Variants in CHRM3 observed in about 807,000 individuals in gnomAD.
CHRM3 encodes cholinergic receptor muscarinic 3, also known as muscarinic acetylcholine receptor M3.
In CHRM3, 11 loss-of-function variants were observed where a neutral mutation model predicts 41.8. That is an observed-to-expected ratio of 0.26 (90% CI 0.17 to 0.44). CHRM3 has a LOEUF of 0.44. Among genes scored for constraint, CHRM3 ranks in the 20% least tolerant of loss-of-function variants. The pLI, the probability that CHRM3 is intolerant of heterozygous loss-of-function variation, is 1.00. For synonymous variants in CHRM3, 297 were observed against 301.4 expected (o/e 0.99, Z 0.15); for missense variants, 571 against 745.4 (o/e 0.77, Z 2.72).
chr1:239,755,590 A>G (rs1251611671), intron 5 of CHRM3, among the ~76,000 whole-genome samples: 1 of 152,214 alleles, frequency 6.6e-6, no homozygotes, highest in Non-Finnish European at 1.5e-5. Flanking sequence ...AAGGGTACAG[A>G]AAAAGGGTAT....
chr1:239,503,017 T>G (rs1421868903), intron 2 of CHRM3, among the ~76,000 whole-genome samples: 4 of 152,024 alleles, frequency 2.6e-5, no homozygotes, highest in African/African-American at 4.8e-5. Context: ...GGATGCCCAC[T>G]CTCACCACTC....
chr1:239,795,641 C>T (rs546636441), intron 5 of CHRM3, among the ~76,000 whole-genome samples: 3 of 152,262 alleles, frequency 2.0e-5, no homozygotes, highest in Middle Eastern at 3.4e-3. Context: ...TATTTGTTTC[C>T]ATCTTCCTAT....
At chr1:239,664,163 A>G (rs1673532105) in intron 4 of CHRM3, among the ~76,000 whole-genome samples, 1 of 152,234 alleles carries the variant, frequency 6.6e-6, no homozygotes. Flanking sequence ...TCATTCATCC[A>G]AGAATCCTCT....
At chr1:239,700,775 T>C (rs532625701) in intron 5 of CHRM3, among the ~76,000 whole-genome samples, 11 of 151,904 alleles carry the variant, frequency 7.2e-5, no homozygotes, top group Middle Eastern at 3.4e-3. Context: ...TCCTGTTTTC[T>C]TACTTAAGAA....
intron 3 of CHRM3, among the ~76,000 whole-genome samples, chr1:239,566,205 G>A (rs141933643): frequency 2.0e-5 from 3 of 152,086 alleles, no homozygotes; most frequent in Non-Finnish European, 2.9e-5. Flanking sequence ...GAGCCATCAC[G>A]CCCGGCCTCC....
chr1:239,769,061 G>A (rs1446206424), intron 5 of CHRM3, among the ~76,000 whole-genome samples: 1 of 151,758 alleles, frequency 6.6e-6, no homozygotes, highest in Non-Finnish European at 1.5e-5. Flanking sequence ...CACTGTGCCT[G>A]ACCTAAGCGA....
intron 5 of CHRM3, among the ~76,000 whole-genome samples, chr1:239,724,014 T>A (rs1663209936): frequency 1.3e-5 from 2 of 151,874 alleles, no homozygotes; most frequent in Admixed American, 1.3e-4. Flanking sequence ...AGCCAAGCTG[T>A]ACAGCCTCTG....
chr1:239,797,866 A>G (rs1669915359), intron 5 of CHRM3, among the ~76,000 whole-genome samples: 1 of 152,012 alleles, frequency 6.6e-6, no homozygotes. Context: ...TGGCCAACAT[A>G]GTGAGGCCCT....
intron 2 of CHRM3, among the ~76,000 whole-genome samples, chr1:239,517,564 A>G (rs994065085): frequency 5.3e-5 from 8 of 152,238 alleles, no homozygotes; most frequent in Non-Finnish European, 1.2e-4. Context: ...TGAAGCATAT[A>G]TAATACATGA....
intron 3 of CHRM3, among the ~76,000 whole-genome samples, chr1:239,607,417 AAAC>A (rs1158772476): frequency 6.6e-6 from 1 of 152,226 alleles, no homozygotes; most frequent in East Asian, 1.9e-4. Context: ...CATCCTGTTG[AAAC>A]AACAACTGTT....
chr1:239,465,178 A>T (rs1336773542), intron 1 of CHRM3, among the ~76,000 whole-genome samples: 1 of 152,210 alleles, frequency 6.6e-6, no homozygotes, highest in Non-Finnish European at 1.5e-5. Context: ...ACGCATGGAT[A>T]GGCCAGTCCA....
chr1:239,606,611 A>G (rs2148720406), intron 3 of CHRM3, among the ~76,000 whole-genome samples: 1 of 152,270 alleles, frequency 6.6e-6, no homozygotes, highest in East Asian at 1.9e-4. Flanking sequence ...TGGTAGGTTT[A>G]ATTTACATAA....
intron 3 of CHRM3, among the ~76,000 whole-genome samples, chr1:239,573,930 T>C (rs1662082424): frequency 6.6e-6 from 1 of 152,128 alleles, no homozygotes; most frequent in Non-Finnish European, 1.5e-5. Flanking sequence ...TCTTGATCTA[T>C]TTAGTAATTT....
intron 1 of CHRM3, among the ~76,000 whole-genome samples, chr1:239,393,587 C>T (rs1659230640): frequency 6.6e-6 from 1 of 152,182 alleles, no homozygotes; most frequent in African/African-American, 2.4e-5. Flanking sequence ...CAGATCCTTT[C>T]CATCATGCAA....
At chr1:239,408,243 C>T (rs1660770725) in intron 1 of CHRM3, 1 of 152,136 alleles carries the variant, frequency 6.6e-6, no homozygotes, top group African/African-American at 2.4e-5. Context: ...CCCCTTATGC[C>T]ATAATTGTAA....
chr1:239,556,724 G>A (rs1572702037), intron 3 of CHRM3, among the ~76,000 whole-genome samples: 2 of 152,116 alleles, frequency 1.3e-5, no homozygotes, highest in Admixed American at 1.3e-4. Flanking sequence ...ACACAGAGGA[G>A]GCACATAAAA....
intron 4 of CHRM3, among the ~76,000 whole-genome samples, chr1:239,664,766 C>T (rs1424172938): frequency 5.9e-5 from 9 of 152,166 alleles, no homozygotes; most frequent in Admixed American, 2.6e-4. Flanking sequence ...GTTGCACATC[C>T]GTAGTGGAGA....
intron 5 of CHRM3, among the ~76,000 whole-genome samples, chr1:239,751,970 T>G (rs1215678994): frequency 6.6e-6 from 1 of 152,164 alleles, no homozygotes; most frequent in Non-Finnish European, 1.5e-5. Flanking sequence ...GGATAGGGAA[T>G]GTGAAGCTGT....
Position 239,863,177 on chromosome 1 carries a change from A to G in CHRM3, c.-20+35799A>G, listed in dbSNP as rs139352589. On this transcript the variant is annotated intron_variant, in intron 6 of 6. Transcript: ENST00000676153. ...TAATGGGTAACTCATATTGCCTCTTATTATTTAGGTTCTTAAGTTGCAAGA... is the reference window on the plus strand; with the variant it reads ...TAATGGGTAACTCATATTGCCTCTTGTTATTTAGGTTCTTAAGTTGCAAGA... Among the ~76,000 whole-genome samples the G allele has an allele frequency of 6.6e-5, 10 of 152,280 alleles. No homozygotes were observed. In the East Asian group the frequency reaches 1.5e-3, roughly 24 times the overall value.
Sources: allele counts gnomAD v4.1 joint callset (sites outside exome capture counted in the v4.1 genomes callset), GRCh38; gene constraint gnomAD v4.1.1; transcripts MANE v1.5; gene names NCBI Gene and HGNC (gene_info 2026-07-23, HGNC 2026-07-21).